BRSK1: variants seen among roughly 807,000 people sequenced by gnomAD.
BRSK1 encodes the protein BR serine/threonine kinase 1, also known as serine/threonine-protein kinase BRSK1.
In BRSK1, 17 loss-of-function variants were observed where a neutral mutation model predicts 86.2. That is an observed-to-expected ratio of 0.20 (90% CI 0.14 to 0.30). BRSK1 has a LOEUF of 0.30. Among genes scored for constraint, BRSK1 ranks in the 10% least tolerant of loss-of-function variants. BRSK1 has a pLI of 1.00. For missense variants in BRSK1, 719 were observed against 1,071.9 expected, an observed-to-expected ratio of 0.67 and a Z score of 4.60; for synonymous variants, 464 against 440.1, an observed-to-expected ratio of 1.05 and a Z score of -0.68.
chr19:55,310,714 C>T lies in BRSK1; in HGVS notation c.2180-1197C>T, dbSNP rs1354625558. Reference sequence around the variant, plus strand: ...CGACAGCTGGGTCCCAAATGGCAGTCGTGCTGAGGTGCAGAAACCCTCTTT... The same window carrying T: ...CGACAGCTGGGTCCCAAATGGCAGTTGTGCTGAGGTGCAGAAACCCTCTTT... On this transcript the variant is annotated intron_variant, in intron 18 of 18. Coordinates refer to ENST00000309383, the MANE Select transcript of BRSK1 (RefSeq NM_032430.2). The surrounding 1 kb of genome is among the most constrained non-coding windows in gnomAD (Gnocchi z 5.0). 2.0e-5 allele frequency among the ~76,000 whole-genome samples: 3 copies of T among 152,172 alleles called. No homozygotes were observed. Among genetic ancestry groups the T allele is most frequent in the African/African-American group, 4.8e-5 (2 of 41,432 alleles).
rs761104183 is a variant in BRSK1, at chr19:55,312,010, G to A, written c.2279G>A (p.Arg760His). 1.5e-6 allele frequency: 2 copies of A among 1,355,794 alleles called. No homozygotes were observed. Among genetic ancestry groups the A allele is most frequent in the South Asian group, 1.3e-5 (1 of 78,806 alleles). The allele number at this position is 1,355,794 out of a possible 1,614,324, so 84.0% of individuals were successfully genotyped here. Residue 760 changes from arginine (R) to histidine (H), a missense_variant, in exon 19 of 19, where the codon CGC becomes CAC. By Grantham distance (29) the Arg-to-His change is conservative. Coordinates refer to ENST00000309383, the MANE Select transcript of BRSK1 (RefSeq NM_032430.2). ...GACCCAGAGCTGAGCAGCTCTCCCC[G>A]CCGAGGCCCCCCCAAGGACAAGAAG... is the stretch of plus-strand genomic sequence containing the variant. ...RPDPELSSSP[R>H]RGPPKDKKLL... is the part of the protein sequence containing the mutation.
intron 18 of BRSK1, 31 bp downstream of exon 18, chr19:55,308,759 C>T (rs1303359405): frequency 3.3e-6 from 1 of 305,184 alleles, no homozygotes; most frequent in Non-Finnish European, 5.8e-6. Context: ...TGGTGGGGGG[C>T]GTGGGTGGCG....
chr19:55,291,513 C>CA (rs1212751670), intron 4 of BRSK1, among the ~76,000 whole-genome samples: 2 of 151,464 alleles, frequency 1.3e-5, no homozygotes. Context: ...GACCCTGTCT[C>CA]AAAAAAAAGA....
intron 1 of BRSK1, 29 bp downstream of exon 1, chr19:55,284,607 G>A (rs1779086380): frequency 3.1e-6 from 4 of 1,272,748 alleles, no homozygotes; most frequent in Non-Finnish European, 4.0e-6. Flanking sequence ...GACACCTGGG[G>A]CGGGGGGCAG....
chr19:55,290,253 C>T (rs1323007340), intron 4 of BRSK1, among the ~76,000 whole-genome samples: 1 of 152,174 alleles, frequency 6.6e-6, no homozygotes, highest in Non-Finnish European at 1.5e-5. Flanking sequence ...GCCTAGGCCT[C>T]CTAAAGTGCT....
At chr19:55,309,631 C>T (rs2088736194) in intron 18 of BRSK1, among the ~76,000 whole-genome samples, 2 of 152,148 alleles carry the variant, frequency 1.3e-5, no homozygotes, top group South Asian at 2.1e-4. Context: ...ACACTAATCC[C>T]ATTCATGAAG....
chr19:55,297,479 C>T (rs1013264815), intron 7 of BRSK1, among the ~76,000 whole-genome samples: 2 of 152,188 alleles, frequency 1.3e-5, no homozygotes, highest in Non-Finnish European at 2.9e-5. Context: ...GCTGATAAGC[C>T]GCAGGCCTGG....
intron 4 of BRSK1, among the ~76,000 whole-genome samples, chr19:55,293,704 G>A (rs2088442617): frequency 6.6e-6 from 1 of 151,304 alleles, no homozygotes; most frequent in Non-Finnish European, 1.5e-5. Flanking sequence ...CAGCTACTCA[G>A]GAGGCTGAGG....
chr19:55,302,882 C>T lies in BRSK1; in HGVS notation c.1028+15C>T. 6 of 1,607,266 alleles carry T rather than the reference C, an allele frequency of 3.7e-6. No homozygotes were observed. The highest frequency in any genetic ancestry group is 5.1e-6 in the Non-Finnish European group (6 of 1,175,504). ...CGCAGTGAGGAGTAAGACCCCAAGA[C>T]CCCTGCACCCGTGTACCCACGTGGG... is the stretch of plus-strand genomic sequence containing the variant. On this transcript the variant is annotated intron_variant, in intron 10 of 18. Transcript: ENST00000309383. The surrounding 1 kb of genome is among the most constrained non-coding windows in gnomAD (Gnocchi z 6.3).
intron 1 of BRSK1, among the ~76,000 whole-genome samples, chr19:55,285,338 G>T (rs1216260559): frequency 6.6e-6 from 1 of 152,088 alleles, no homozygotes; most frequent in Non-Finnish European, 1.5e-5. Flanking sequence ...GGGCCCCAGT[G>T]CTCCAGTCCC....
rs2088601989 is a variant in BRSK1, at chr19:55,303,456, AAG to A, written c.1126+51_1126+52del. The A allele has an allele frequency of 1.9e-6, 3 of 1,589,118 alleles. No individual in the cohort carries two copies. The highest frequency in any genetic ancestry group is 8.6e-7 in the Non-Finnish European group (1 of 1,157,858). ...CCAGACACCTGGGTCTCGAGATTGG[AAG>A]AGGCTGGCCACGGGGACCCCAGATT... On this transcript the variant is annotated intron_variant, in intron 11 of 18. Transcript: ENST00000309383. This position sits in a 1 kb window ranked among gnomAD's most constrained non-coding sequence, Gnocchi z 5.1.
chr19:55,284,065 C>T lies in BRSK1; in HGVS notation c.-378C>T, dbSNP rs558397169. ...GGGGGAGGCGGAGAGGAGGAGGAGG[C>T]GGAGGAGAGAGGGCGCGTGGGGGGG... On this transcript the variant is annotated 5_prime_UTR_variant, in exon 1 of 19. Transcript: ENST00000309383. 3.2e-4 allele frequency: 277 copies of T among 870,614 alleles called. No individual in the cohort carries two copies. In the African/African-American group the frequency reaches 4.8e-3, roughly 15 times the overall value. The allele number at this position is 870,614 out of a possible 1,614,324, so 53.9% of individuals were successfully genotyped here.
intron 7 of BRSK1, among the ~76,000 whole-genome samples, chr19:55,297,651 T>C (rs1383236446): frequency 6.6e-6 from 1 of 151,830 alleles, no homozygotes; most frequent in East Asian, 1.9e-4. Context: ...CTTCTTCACT[T>C]GGTGGCTAAA....
Position 55,295,690 on chromosome 19 carries a change from G to A in BRSK1, c.678+1293G>A, listed in dbSNP as rs758996426. Among the ~76,000 whole-genome samples, 36 of 152,160 alleles carry A rather than the reference G, an allele frequency of 2.4e-4. 1 individual carries two copies. Among genetic ancestry groups the A allele is most frequent in the Non-Finnish European group, 7.3e-5 (5 of 68,032 alleles). Reference sequence around the variant, plus strand: ...CTGTAATAACAAGTATAACCAGGCCGGGCACGGAGGCTCACACCTGTAATC... The same window carrying A: ...CTGTAATAACAAGTATAACCAGGCCAGGCACGGAGGCTCACACCTGTAATC... On this transcript the variant is annotated intron_variant, in intron 7 of 18. Transcript: ENST00000309383.
intron 4 of BRSK1, among the ~76,000 whole-genome samples, chr19:55,291,960 A>G (rs1428616320): frequency 6.6e-6 from 1 of 152,086 alleles, no homozygotes; most frequent in Admixed American, 6.6e-5. Context: ...GGGTTTCACC[A>G]TGTTGGCCAG....
At chr19:55,293,636 C>T (rs2088441696) in intron 4 of BRSK1, among the ~76,000 whole-genome samples, 1 of 151,806 alleles carries the variant, frequency 6.6e-6, no homozygotes, top group South Asian at 2.1e-4. Context: ...CATAATGAAA[C>T]CCCGTCTCTA....
chr19:55,300,815 T>C (rs952790250), intron 7 of BRSK1, among the ~76,000 whole-genome samples: 1 of 152,082 alleles, frequency 6.6e-6, no homozygotes, highest in African/African-American at 2.4e-5. Context: ...CACATCAGCC[T>C]GGGCGACAAG....
chr19:55,289,675 C>A, intron 4 of BRSK1, 55 bp downstream of exon 4: 2 of 1,591,122 alleles, frequency 1.3e-6, no homozygotes, highest in Non-Finnish European at 1.7e-6. Flanking sequence ...GCAGACAGGC[C>A]CTTGGGGGCA....
chr19:55,291,929 T>A (rs1398495738), intron 4 of BRSK1, among the ~76,000 whole-genome samples: 1 of 152,116 alleles, frequency 6.6e-6, no homozygotes, highest in East Asian at 1.9e-4. Context: ...CGGCTAATTT[T>A]TTGTATTTTT....
Sources: allele counts gnomAD v4.1 joint callset (sites outside exome capture counted in the v4.1 genomes callset), GRCh38; gene constraint gnomAD v4.1.1; non-coding constraint Gnocchi (gnomAD v3.1); transcripts MANE v1.5; gene names NCBI Gene and HGNC (gene_info 2026-07-23, HGNC 2026-07-21).